Variants in DHRS3 observed in about 807,000 individuals in gnomAD.
DHRS3 encodes the protein short-chain dehydrogenase/reductase 3.
Under a neutral mutation model 27.2 loss-of-function variants are expected in DHRS3, and 14 were observed. That is an observed-to-expected ratio of 0.52 (90% CI 0.34 to 0.81). The LOEUF (loss-of-function observed/expected upper bound fraction) is 0.81. Ranked by LOEUF, DHRS3 falls within the 30% of genes least tolerant of loss-of-function variation. DHRS3 has a pLI of 0.01. For missense variants in DHRS3, 322 were observed against 406.2 expected (o/e 0.79, Z 1.78); for synonymous variants, 165 against 175.9 (o/e 0.94, Z 0.49).
At chr1:12,579,086 G>A (rs1178402162) in intron 3 of DHRS3, 130 bp from the exon 4 acceptor site, 3 of 1,230,908 alleles carry the variant, frequency 2.4e-6, no homozygotes, top group Non-Finnish European at 2.3e-6. Context: ...GCGAGGGAGA[G>A]GGCCGAGGGC....
intron 1 of DHRS3, among the ~76,000 whole-genome samples, chr1:12,605,704 A>G (rs1359456791): frequency 1.3e-5 from 2 of 152,200 alleles, no homozygotes; most frequent in East Asian, 3.8e-4. Flanking sequence ...ATCAGTTTGA[A>G]AAGAACTCCT....
At chr1:12,607,847 A>G (rs57977667) in intron 1 of DHRS3, among the ~76,000 whole-genome samples, 14,774 of 151,484 alleles carry the variant, frequency 0.098, 920 homozygotes, top group East Asian at 0.25. Context: ...ATTTGTGTAT[A>G]TGTGTGTGTG....
intron 1 of DHRS3, among the ~76,000 whole-genome samples, chr1:12,582,662 G>A (rs1646653882): frequency 1.3e-5 from 2 of 151,852 alleles, no homozygotes; most frequent in Non-Finnish European, 2.9e-5. Context: ...CACTCCTCTG[G>A]ACCACCCCCC....
intron 1 of DHRS3, among the ~76,000 whole-genome samples, chr1:12,590,114 A>G (rs1297643374): frequency 6.6e-6 from 1 of 152,024 alleles, no homozygotes; most frequent in African/African-American, 2.4e-5. Context: ...AAAACTGTCC[A>G]CCTGCAGAGC....
At chr1:12,580,776 C>T (rs1053780031) in intron 1 of DHRS3, 110 bp from the exon 2 acceptor site, 2 of 1,287,004 alleles carry the variant, frequency 1.6e-6, no homozygotes, top group South Asian at 1.5e-5. Context: ...AATGACTGGC[C>T]TCCCTGGTTC....
chr1:12,612,861 C>T (rs186603728), intron 1 of DHRS3, among the ~76,000 whole-genome samples: 41 of 152,134 alleles, frequency 2.7e-4, no homozygotes, highest in African/African-American at 9.6e-4. Flanking sequence ...GAGTTCGAGA[C>T]CAGCCTGACC....
At chr1:12,606,526 G>A (rs983088707) in intron 1 of DHRS3, among the ~76,000 whole-genome samples, 4 of 151,980 alleles carry the variant, frequency 2.6e-5, no homozygotes, top group Non-Finnish European at 4.4e-5. Flanking sequence ...TTTCACTCTT[G>A]TTGTCCAGGC....
At position 12,591,977 on chromosome 1, in the gene DHRS3, C is replaced by G. The variant is rs1268268887; in HGVS notation, c.196-11311G>C. ...TGTTCCTTGCCCCTCTGCGAGGACA[C>G]TGGGGCTCTGATGGGGCTCAGGTGG... is the stretch of plus-strand genomic sequence containing the variant. On this transcript the variant is annotated intron_variant, in intron 1 of 5. Coordinates refer to ENST00000616661, the MANE Select transcript of DHRS3 (RefSeq NM_004753.7). This position sits in a 1 kb window ranked among gnomAD's most constrained non-coding sequence, Gnocchi z 4.1. 1.3e-5 allele frequency among the ~76,000 whole-genome samples: 2 copies of G among 152,224 alleles called. No individual in the cohort carries two copies. Among genetic ancestry groups the G allele is most frequent in the Non-Finnish European group, 2.9e-5 (2 of 68,036 alleles).
At chr1:12,583,836 C>T (rs1646669180) in intron 1 of DHRS3, among the ~76,000 whole-genome samples, 1 of 151,970 alleles carries the variant, frequency 6.6e-6, no homozygotes, top group Admixed American at 6.6e-5. Flanking sequence ...TCTATCCAAC[C>T]ATCCACTCAC....
intron 1 of DHRS3, among the ~76,000 whole-genome samples, chr1:12,587,093 G>C (rs1646702897): frequency 6.6e-6 from 1 of 150,870 alleles, no homozygotes; most frequent in African/African-American, 2.4e-5. Flanking sequence ...CTAATGTTCA[G>C]ACAAAAGGGG....
rs563427537 is a variant in DHRS3, at chr1:12,590,130, GC to G, written c.196-9465del. 9.9e-4 allele frequency among the ~76,000 whole-genome samples: 151 copies of G among 152,218 alleles called. 1 individual carries two copies. The highest frequency in any genetic ancestry group is 3.2e-3 in the African/African-American group (132 of 41,520). ...AAACTGTCCACCTGCAGAGCAAGCTGCGGGGGGATTTCTTAGGGAGGAGAGG... is the reference window on the plus strand; with the variant it reads ...AAACTGTCCACCTGCAGAGCAAGCTGGGGGGGATTTCTTAGGGAGGAGAGG... On this transcript the variant is annotated intron_variant, in intron 1 of 5. Transcript: ENST00000616661.
Position 12,608,411 on chromosome 1 carries a change from C to T in DHRS3, c.195+8743G>A, listed in dbSNP as rs1005349989. Among the ~76,000 whole-genome samples the T allele has an allele frequency of 9.9e-5, 15 of 152,194 alleles. No individual in the cohort carries two copies. The highest frequency in any genetic ancestry group is 9.2e-4 in the Admixed American group (14 of 15,284). On this transcript the variant is annotated intron_variant, in intron 1 of 5. Coordinates refer to ENST00000616661, the MANE Select transcript of DHRS3 (RefSeq NM_004753.7). This position sits in a 1 kb window ranked among gnomAD's most constrained non-coding sequence, Gnocchi z 4.1. ...TCTGTGCCCACCCTGCACCCTCTTG[C>T]CTCCTCCCTGCTCCCCAGCACCCTG...
intron 1 of DHRS3, among the ~76,000 whole-genome samples, chr1:12,582,666 A>AC (rs1484320422): frequency 6.6e-6 from 1 of 151,514 alleles, no homozygotes; most frequent in Non-Finnish European, 1.5e-5. Context: ...CCTCTGGACC[A>AC]CCCCCCGCCT....
intron 1 of DHRS3, among the ~76,000 whole-genome samples, chr1:12,602,740 G>C (rs1430636051): frequency 6.6e-6 from 1 of 152,232 alleles, no homozygotes; most frequent in Non-Finnish European, 1.5e-5. Context: ...GGGAACCAAA[G>C]CCCAGAGAGG....
At position 12,607,260 on chromosome 1, in the gene DHRS3, T is replaced by C. The variant is rs76212523; in HGVS notation, c.195+9894A>G. ...TTTGGCTGTTTCTAACTTCCTTTTG[T>C]TTCTTAATCTTAAAAAATCTTTAAA... On this transcript the variant is annotated intron_variant, in intron 1 of 5. Transcript: ENST00000616661. Among the ~76,000 whole-genome samples, 291 of 152,330 alleles carry C rather than the reference T, an allele frequency of 1.9e-3. 3 individuals carry two copies. The highest frequency in any genetic ancestry group is 6.6e-3 in the African/African-American group (274 of 41,570).
In DHRS3 at chr1:12,592,090, C is replaced by A. The variant is rs1350233503; in HGVS notation, c.196-11424G>T. Among the ~76,000 whole-genome samples, 1 of 152,104 alleles carries A rather than the reference C, an allele frequency of 6.6e-6. No individual in the cohort carries two copies. Among genetic ancestry groups the A allele is most frequent in the African/African-American group, 2.4e-5 (1 of 41,404 alleles). On this transcript the variant is annotated intron_variant, in intron 1 of 5. Transcript: ENST00000616661. This position sits in a 1 kb window ranked among gnomAD's most constrained non-coding sequence, Gnocchi z 4.2. ...TTGCTGTGAGGGGGTATGGGGTTTG[C>A]CTGGAGCACCCTTGCTCTCCAAGTG...
intron 4 of DHRS3, 116 bp from the exon 5 acceptor site, chr1:12,572,969 C>T (rs1557511788): frequency 3.0e-6 from 4 of 1,322,514 alleles, no homozygotes; most frequent in Non-Finnish European, 3.0e-6. Context: ...CTGAGAGATT[C>T]GAGGCCTGCT....
rs1458457655 is a variant in DHRS3, at chr1:12,574,879, G to C, written c.699-2026C>G. On this transcript the variant is annotated intron_variant, in intron 4 of 5. Transcript: ENST00000616661. The surrounding 1 kb of genome is among the most constrained non-coding windows in gnomAD (Gnocchi z 4.6). ...TAGCTAGCCAGTTTCAAGCTATGTG[G>C]ACTTGGGCAGGTAACTTTGCTTCTC... 6.6e-6 allele frequency among the ~76,000 whole-genome samples: 1 copy of C among 152,194 alleles called. No individual in the cohort carries two copies. Among genetic ancestry groups the C allele is most frequent in the Non-Finnish European group, 1.5e-5 (1 of 68,026 alleles).
At chr1:12,588,045 T>C (rs983674136) in intron 1 of DHRS3, among the ~76,000 whole-genome samples, 8 of 152,252 alleles carry the variant, frequency 5.3e-5, no homozygotes, top group Admixed American at 2.0e-4. Context: ...TTGGGGTCTA[T>C]ATCCTGTCTC....
Sources: allele counts gnomAD v4.1 joint callset (sites outside exome capture counted in the v4.1 genomes callset), GRCh38; gene constraint gnomAD v4.1.1; non-coding constraint Gnocchi (gnomAD v3.1); transcripts MANE v1.5; gene names NCBI Gene and HGNC (gene_info 2026-07-23, HGNC 2026-07-21).